Variants in ATG7 observed in about 807,000 individuals in gnomAD.
ATG7 encodes the protein autophagy related 7.
A neutral mutation model predicts 82.4 loss-of-function variants in ATG7; 70 were observed. The observed-to-expected ratio is 0.85, with a 90% confidence interval of 0.70 to 1.04. ATG7 has a LOEUF of 1.04. ATG7 is among the 50% of genes least tolerant of loss of function. ATG7 has a pLI of 0.00. For synonymous variants in ATG7, 287 were observed against 313.0 expected, an observed-to-expected ratio of 0.92 and a Z score of 0.88; for missense variants, 792 against 864.3, an observed-to-expected ratio of 0.92 and a Z score of 1.05.
chr3:11,315,899 G>A (rs976420499), intron 9 of ATG7, among the ~76,000 whole-genome samples: 3 of 152,052 alleles, frequency 2.0e-5, no homozygotes, highest in African/African-American at 7.2e-5. Flanking sequence ...CTAATTTTTT[G>A]TATTTTTAGT....
intron 11 of ATG7, among the ~76,000 whole-genome samples, chr3:11,340,191 CTTAAT>C (rs1246615807): frequency 4.6e-5 from 7 of 152,266 alleles, no homozygotes; most frequent in African/African-American, 1.7e-4. Flanking sequence ...AAGGGACATA[CTTAAT>C]TTAAGGTTCA....
intron 19 of ATG7, among the ~76,000 whole-genome samples, chr3:11,393,560 A>C (rs2078984013): frequency 6.6e-6 from 1 of 152,214 alleles, no homozygotes; most frequent in Admixed American, 6.5e-5. Context: ...CCAGCCATTC[A>C]TGAGTGACTT....
intron 11 of ATG7, among the ~76,000 whole-genome samples, chr3:11,334,661 C>G (rs1427309478): frequency 6.6e-6 from 1 of 151,012 alleles, no homozygotes; most frequent in Non-Finnish European, 1.5e-5. Flanking sequence ...GAGGTGGTGT[C>G]AAAATCTCTT....
chr3:11,312,980 C>A (rs1240539951), intron 7 of ATG7, among the ~76,000 whole-genome samples: 2 of 152,082 alleles, frequency 1.3e-5, no homozygotes, highest in Non-Finnish European at 2.9e-5. Flanking sequence ...ATAGTAAATA[C>A]CTCCCAGGGG....
At chr3:11,558,558 A>C, downstream of ATG7, 1 of 1,596,746 alleles carries the variant, frequency 6.3e-7, no homozygotes, top group Non-Finnish European at 8.5e-7. Flanking sequence ...CGCTCCCTTC[A>C]GGAGACCACA....
chr3:11,541,984 AT>A (rs1272895555), intron 20 of ATG7, among the ~76,000 whole-genome samples: 12 of 152,340 alleles, frequency 7.9e-5, no homozygotes, highest in South Asian at 2.1e-4. Context: ...TTACCATCTA[AT>A]TTTAAAAATG....
intron 20 of ATG7, among the ~76,000 whole-genome samples, chr3:11,449,231 G>A (rs1385124947): frequency 1.3e-5 from 2 of 152,216 alleles, no homozygotes; most frequent in African/African-American, 4.8e-5. Context: ...TATTAGCTGG[G>A]CATGATGGCT....
intron 19 of ATG7, among the ~76,000 whole-genome samples, chr3:11,389,487 C>T (rs1354333143): frequency 3.8e-5 from 5 of 131,192 alleles, no homozygotes; most frequent in African/African-American, 1.1e-4. Flanking sequence ...GTTCTCTTCT[C>T]TAGAATATCT....
At chr3:11,311,334 TG>T (rs1948630700) in intron 7 of ATG7, among the ~76,000 whole-genome samples, 1 of 152,150 alleles carries the variant, frequency 6.6e-6, no homozygotes, top group Non-Finnish European at 1.5e-5. Context: ...CCGGGTGCAG[TG>T]GTTCATGCCT....
chr3:11,407,804 G>A (rs1384183932), intron 19 of ATG7, among the ~76,000 whole-genome samples: 1 of 152,196 alleles, frequency 6.6e-6, no homozygotes, highest in Non-Finnish European at 1.5e-5. Flanking sequence ...AGGGCACCAA[G>A]TCCTTAGGCT....
chr3:11,509,056 T>C (rs1280547332), intron 20 of ATG7, among the ~76,000 whole-genome samples: 1 of 152,250 alleles, frequency 6.6e-6, no homozygotes, highest in Admixed American at 6.5e-5. Context: ...CCCCTTGGGT[T>C]GTGCAGGCCT....
intron 20 of ATG7, among the ~76,000 whole-genome samples, chr3:11,528,645 G>A (rs761130118): frequency 6.6e-6 from 1 of 151,990 alleles, no homozygotes; most frequent in East Asian, 1.9e-4. Flanking sequence ...GGCCAATATG[G>A]TGAAACCCCA....
At chr3:11,564,399 C>T in the ATG7 span, among the ~76,000 whole-genome samples, 3 of 72,808 alleles carry the variant, frequency 4.1e-5, no homozygotes, top group South Asian at 4.7e-4. Flanking sequence ...AAAGGAGAAA[C>T]GTAGGACCCC....
intron 1 of ATG7, chr3:11,272,856 C>T (rs1010489314): frequency 6.6e-6 from 1 of 152,300 alleles, no homozygotes; most frequent in South Asian, 2.1e-4. Context: ...AATGATAATC[C>T]GCCATTTGTT....
At chr3:11,389,480 C>G (rs1215912089) in intron 19 of ATG7, among the ~76,000 whole-genome samples, 1 of 121,304 alleles carries the variant, frequency 8.2e-6, no homozygotes, top group Non-Finnish European at 1.7e-5. Context: ...CTACATGGTT[C>G]TCTTCTCTAG....
At chr3:11,299,531 G>T (rs1468832652) in intron 5 of ATG7, 115 bp downstream of exon 5, 2 of 1,021,900 alleles carry the variant, frequency 2.0e-6, no homozygotes, top group Non-Finnish European at 1.5e-6. Flanking sequence ...TTCCCGGTGG[G>T]CAGAGTCAGC....
At chr3:11,519,550 T>G (rs1458430504) in intron 20 of ATG7, among the ~76,000 whole-genome samples, 11 of 86,790 alleles carry the variant, frequency 1.3e-4, no homozygotes, top group African/African-American at 5.5e-4. Context: ...TTTTTTTTTT[T>G]TTTTTTTTTT....
At chr3:11,560,881 G>A (rs564405009), downstream of ATG7, among the ~76,000 whole-genome samples, 3 of 152,146 alleles carry the variant, frequency 2.0e-5, no homozygotes, top group South Asian at 6.2e-4. Flanking sequence ...ACAGGGCCTC[G>A]GGTGAGAGAC....
chr3:11,291,487 G>A (rs184329571), intron 3 of ATG7, among the ~76,000 whole-genome samples: 3 of 152,188 alleles, frequency 2.0e-5, no homozygotes, highest in African/African-American at 4.8e-5. Context: ...ACCACTTCCT[G>A]TGTGACTCTG....
Sources: gnomAD v4.1 joint callset for allele counts (sites outside exome capture counted in the v4.1 genomes callset) on GRCh38, gnomAD v4.1.1 for gene constraint, MANE v1.5 for transcripts, NCBI Gene and HGNC (gene_info 2026-07-23, HGNC 2026-07-21) for gene names.